Variants in ASIC4 observed in about 807,000 individuals in gnomAD.
ASIC4 encodes acid sensing ion channel subunit family member 4, also known as acid-sensing ion channel 4.
In ASIC4, 28 loss-of-function variants were observed where a neutral mutation model predicts 53.4. That is an observed-to-expected ratio of 0.52 (90% CI 0.39 to 0.72). The LOEUF is 0.72. ASIC4 is among the 30% of genes least tolerant of loss of function. ASIC4 has a pLI of 0.00. For synonymous variants in ASIC4, 289 were observed against 301.4 expected (o/e 0.96, Z 0.43); for missense variants, 649 against 729.7 (o/e 0.89, Z 1.27).
chr2:219,511,765 G>A (rs1215262250), upstream of ASIC4, among the ~76,000 whole-genome samples: 1 of 152,044 alleles, frequency 6.6e-6, no homozygotes, highest in African/African-American at 2.4e-5. The surrounding 1 kb of genome is among the most constrained non-coding windows in gnomAD (Gnocchi z 5.3). Flanking sequence ...GGCCGGGGTG[G>A]GGGTGGGGAA....
intron 1 of ASIC4, among the ~76,000 whole-genome samples, chr2:219,529,769 C>T (rs1255750510): frequency 3.9e-5 from 6 of 152,142 alleles, no homozygotes; most frequent in Non-Finnish European, 7.3e-5. Context: ...CGGTAGACGG[C>T]ACTGTGTTCT....
rs1694815182 is a variant in ASIC4, at chr2:219,517,577, C to G, written c.582+2271C>G. On this transcript the variant is annotated intron_variant, in intron 1 of 9. Coordinates refer to ENST00000358078, the MANE Select transcript of ASIC4 (RefSeq NM_018674.6). This position sits in a 1 kb window ranked among gnomAD's most constrained non-coding sequence, Gnocchi z 4.2. ...AGGGCTGAGTCTGCTGCAGATTCAC[C>G]AGGGTCTGGAATTACAGATTGGGCT... Among the ~76,000 whole-genome samples the G allele has an allele frequency of 6.6e-6, 1 of 152,170 alleles. No individual in the cohort carries two copies. Among genetic ancestry groups the G allele is most frequent in the Admixed American group, 6.5e-5 (1 of 15,286 alleles).
chr2:219,514,039 G>C (rs1694735669), upstream of ASIC4: 1 of 408,964 alleles, frequency 2.4e-6, no homozygotes, highest in Admixed American at 4.1e-5. Flanking sequence ...GAGTCTCAGA[G>C]GCCAGGAGGT....
chr2:219,507,254 T>A, the ASIC4 span, among the ~76,000 whole-genome samples: 1 of 151,962 alleles, frequency 6.6e-6, no homozygotes. Flanking sequence ...CGGGCCTGGC[T>A]CAGGCCCCCA....
the ASIC4 span, among the ~76,000 whole-genome samples, chr2:219,508,229 A>G: frequency 1.3e-5 from 2 of 152,198 alleles, no homozygotes; most frequent in African/African-American, 4.8e-5. Context: ...ACCAGGGGCT[A>G]GGTCCCTTCC....
chr2:219,513,023 G>T (rs79748033), upstream of ASIC4, among the ~76,000 whole-genome samples: 7 of 152,308 alleles, frequency 4.6e-5, no homozygotes, highest in Admixed American at 6.5e-5. Flanking sequence ...CAGAGGCTGC[G>T]GGGCCAGGCC....
In ASIC4 at chr2:219,514,614, A is replaced by T; in HGVS notation, c.-111A>T. On this transcript the variant is annotated 5_prime_UTR_variant, in exon 1 of 10. Coordinates refer to ENST00000358078, the MANE Select transcript of ASIC4 (RefSeq NM_018674.6). ...CCCTGTCCTCTTCCCGCTTGCCCTG[A>T]GTTTAGAAGAGCAGCCGCTGCCACC... 1 of 1,606,130 alleles carries T rather than the reference A, an allele frequency of 6.2e-7. No individual in the cohort carries two copies. The highest frequency in any genetic ancestry group is 8.5e-7 in the Non-Finnish European group (1 of 1,176,494).
chr2:219,532,269 TG>T, intron 3 of ASIC4, 45 bp from the exon 4 acceptor site: 1 of 1,598,778 alleles, frequency 6.3e-7, no homozygotes, highest in Non-Finnish European at 8.6e-7. Flanking sequence ...ACTGGAGGAC[TG>T]GGTGGGATTC....
upstream of ASIC4, among the ~76,000 whole-genome samples, chr2:219,509,786 G>T (rs999104272): frequency 3.3e-5 from 5 of 152,048 alleles, no homozygotes; most frequent in Non-Finnish European, 5.9e-5. This position sits in a 1 kb window ranked among gnomAD's most constrained non-coding sequence, Gnocchi z 5.2. Context: ...CTTTGCCACA[G>T]CCTGGGCACT....
chr2:219,537,930 CA>C lies in ASIC4; in HGVS notation c.1507-2del. On this transcript the variant is annotated splice_acceptor_variant, in intron 9 of 9. Coordinates refer to ENST00000358078, the MANE Select transcript of ASIC4 (RefSeq NM_018674.6). LOFTEE classifies it high-confidence loss of function. The surrounding 1 kb of genome is among the most constrained non-coding windows in gnomAD (Gnocchi z 4.9). ...CCCACTCTCTCTTTTCTTTCTCCTG[CA>C]GAGTCCCTGCCCGAGCCGGGGCCGA... The C allele has an allele frequency of 6.2e-7, 1 of 1,600,464 alleles. No homozygotes were observed. The highest frequency in any genetic ancestry group is 2.2e-5 in the East Asian group (1 of 44,698).
At chr2:219,522,133 G>A (rs1204893859) in intron 1 of ASIC4, among the ~76,000 whole-genome samples, 4 of 152,218 alleles carry the variant, frequency 2.6e-5, no homozygotes, top group Non-Finnish European at 5.9e-5. Flanking sequence ...ACCCGTGGGT[G>A]TTGGGTTGGA....
upstream of ASIC4, among the ~76,000 whole-genome samples, chr2:219,509,952 C>T (rs1694679118): frequency 6.6e-6 from 1 of 152,040 alleles, no homozygotes; most frequent in Non-Finnish European, 1.5e-5. This position sits in a 1 kb window ranked among gnomAD's most constrained non-coding sequence, Gnocchi z 5.2. Flanking sequence ...GTTCTCGATC[C>T]TCGGTAGTGC....
At position 219,536,273 on chromosome 2, in the gene ASIC4, G is replaced by A. The variant is rs3770235; in HGVS notation, c.1230-793G>A. Among the ~76,000 whole-genome samples, 587 of 152,364 alleles carry A rather than the reference G, an allele frequency of 3.9e-3. 6 individuals carry two copies. The East Asian group carries it at 0.062, about 16-fold the overall frequency. On this transcript the variant is annotated intron_variant, in intron 6 of 9. Transcript: ENST00000358078. This position sits in a 1 kb window ranked among gnomAD's most constrained non-coding sequence, Gnocchi z 4.6. ...TCCCTGCACGGAGGGAGAGGGACAG[G>A]ATGAGACAGGAGAGGAACACAGTAC... is the stretch of plus-strand genomic sequence containing the variant.
chr2:219,535,025 C>A, intron 5 of ASIC4, 146 bp from the exon 6 acceptor site: 1 of 1,241,670 alleles, frequency 8.1e-7, no homozygotes, highest in Non-Finnish European at 1.1e-6. Flanking sequence ...CCAGTCCCCT[C>A]TAGGAAGCAC....
In ASIC4 at chr2:219,516,695, C is replaced by CCCG. The variant is rs1465273873; in HGVS notation, c.582+1391_582+1393dup. ...GGGACCCCCGCCAGGTTCTCACTCA[C>CCCG]CCGCTGCCTCAGGATCACCAGGAAA... is the stretch of plus-strand genomic sequence containing the variant. On this transcript the variant is annotated intron_variant, in intron 1 of 9. Transcript: ENST00000358078. This position sits in a 1 kb window ranked among gnomAD's most constrained non-coding sequence, Gnocchi z 4.9. 1 of 152,468 alleles carries CCCG rather than the reference C, an allele frequency of 6.6e-6. No individual in the cohort carries two copies. Among genetic ancestry groups the CCCG allele is most frequent in the Non-Finnish European group, 1.5e-5 (1 of 68,174 alleles). The allele number at this position is 152,468 out of a possible 1,614,324, so 9.4% of individuals were successfully genotyped here.
At position 219,538,011 on chromosome 2, in the gene ASIC4, C is replaced by A. The variant is rs116368019; in HGVS notation, c.1585C>A (p.Pro529Thr). Reference protein sequence around the residue: ...LLPNHHHPHGPPGGLFEDFAC With the variant: ...LLPNHHHPHGTPGGLFEDFAC ...CCCCAATCACCACCACCCCCACGGTCCCCCAGGAGGTCTCTTTGAAGATTT... is the reference window on the plus strand; with the variant it reads ...CCCCAATCACCACCACCCCCACGGTACCCCAGGAGGTCTCTTTGAAGATTT... The change falls in exon 10 of 10, where the codon CCC becomes ACC. Residue 529 changes from proline to threonine, a missense_variant. Pro to Thr is a conservative substitution (Grantham distance 38, BLOSUM62 -1). Coordinates refer to ENST00000358078, the MANE Select transcript of ASIC4 (RefSeq NM_018674.6). The A allele has an allele frequency of 1.3e-3, 2,085 of 1,613,258 alleles. 23 individuals carry two copies. The African/African-American group carries it at 0.023, about 18-fold the overall frequency.
At chr2:219,511,963 A>G (rs937606022), upstream of ASIC4, among the ~76,000 whole-genome samples, 1 of 152,050 alleles carries the variant, frequency 6.6e-6, no homozygotes, top group Non-Finnish European at 1.5e-5. This position sits in a 1 kb window ranked among gnomAD's most constrained non-coding sequence, Gnocchi z 5.3. Context: ...GGAGGGGGCC[A>G]GAGGGCCTGG....
chr2:219,537,564 G>C lies in ASIC4; in HGVS notation c.1402-68G>C. The stretch of plus-strand genomic sequence containing the variant: ...TAAGTCCTGTGGGCAGCTGGGCATG[G>C]TAAGGCTCACGCTTCTCCTCAACCA... On this transcript the variant is annotated intron_variant, in intron 8 of 9. Transcript: ENST00000358078. The surrounding 1 kb of genome is among the most constrained non-coding windows in gnomAD (Gnocchi z 4.9). 2 of 1,405,198 alleles carry C rather than the reference G, an allele frequency of 1.4e-6. No homozygotes were observed. The highest frequency in any genetic ancestry group is 9.8e-7 in the Non-Finnish European group (1 of 1,018,642). 87.0% of individuals were successfully genotyped at this position (1,405,198 alleles called of 1,614,324 possible). A position where few individuals can be genotyped will look rare whatever the true frequency, so the allele number is the denominator to read the frequency against.
chr2:219,535,147 G>A, intron 5 of ASIC4, 24 bp from the exon 6 acceptor site: 1 of 1,602,054 alleles, frequency 6.2e-7, no homozygotes, highest in East Asian at 2.2e-5. Context: ...AACTCCCACT[G>A]TAGCTGCTAC....
Sources: gnomAD v4.1 joint callset for allele counts (sites outside exome capture counted in the v4.1 genomes callset) on GRCh38, gnomAD v4.1.1 for gene constraint, Gnocchi (gnomAD v3.1) non-coding constraint, MANE v1.5 for transcripts, NCBI Gene and HGNC (gene_info 2026-07-23, HGNC 2026-07-21) for gene names.